The following NLRP1 variants were observed in gnomAD, a reference collection of about 807,000 sequenced individuals.
The protein encoded by NLRP1 is NLR family pyrin domain containing 1.
A neutral mutation model predicts 136.7 loss-of-function variants in NLRP1; 94 were observed. The ratio of observed to expected loss-of-function variants is 0.69; its 90% CI spans 0.58 to 0.82. NLRP1 has a LOEUF of 0.82. NLRP1 is among the 40% of genes least tolerant of loss of function. The pLI is 0.00. For synonymous variants in NLRP1, 690 were observed against 725.1 expected, an observed-to-expected ratio of 0.95 and a Z score of 0.78; for missense variants, 1,575 against 1,802.7, an observed-to-expected ratio of 0.87 and a Z score of 2.29.
At chr17:5,517,714 C>A in intron 15 of NLRP1, 32 bp downstream of exon 15, 1 of 1,613,218 alleles carries the variant, frequency 6.2e-7, no homozygotes, top group Non-Finnish European at 8.5e-7. Context: ...CTCCTCCCAC[C>A]TCTGAGTTCT....
intron 12 of NLRP1, among the ~76,000 whole-genome samples, chr17:5,526,108 G>A (rs146300433): frequency 6.0e-4 from 91 of 151,922 alleles, no homozygotes; most frequent in African/African-American, 2.1e-3. Context: ...CTGAGTAGTT[G>A]GAACTACAGG....
chr17:5,529,055 A>G (rs549289825), intron 12 of NLRP1, among the ~76,000 whole-genome samples: 1 of 152,350 alleles, frequency 6.6e-6, no homozygotes, highest in South Asian at 2.1e-4. Context: ...TTGGCTGGGC[A>G]CAGTGGCTCA....
chr17:5,566,416 GACCC>G (rs1161698771), intron 3 of NLRP1, among the ~76,000 whole-genome samples: 4 of 151,800 alleles, frequency 2.6e-5, no homozygotes, highest in South Asian at 2.1e-4. Flanking sequence ...TTTCTTCATT[GACCC>G]ACTGGTCACT....
At chr17:5,535,357 A>G (rs1910911091) in intron 8 of NLRP1, among the ~76,000 whole-genome samples, 1 of 152,134 alleles carries the variant, frequency 6.6e-6, no homozygotes. Context: ...CACGGACCAC[A>G]GTTTGAGTAG....
intron 5 of NLRP1, among the ~76,000 whole-genome samples, chr17:5,543,912 G>A (rs1912203315): frequency 1.3e-5 from 2 of 152,292 alleles, no homozygotes; most frequent in South Asian, 4.1e-4. Context: ...CAACCAGGGT[G>A]GTTGCACAGG....
chr17:5,535,075 C>A (rs1910860831), intron 8 of NLRP1, among the ~76,000 whole-genome samples: 1 of 152,152 alleles, frequency 6.6e-6, no homozygotes, highest in Non-Finnish European at 1.5e-5. Flanking sequence ...CAAAAATTAG[C>A]TGGGTGTGGT....
chr17:5,559,148 C>A lies in NLRP1; in HGVS notation c.1548G>T (p.Leu516=). The change falls in exon 4 of 17, where the codon CTG becomes CTT. Residue 516 remains leucine (L), a synonymous_variant. Coordinates refer to ENST00000572272, the MANE Select transcript of NLRP1 (RefSeq NM_033004.4). ...LVKSNKELWA[L]CLVPWVSWLA... The stretch of plus-strand genomic sequence containing the variant: ...GCCAGGACACCCAGGGCACAAGACA[C>A]AGGGCCCAGAGCTCTTTGTTTGATT... 5 of 1,614,194 alleles carry A rather than the reference C, an allele frequency of 3.1e-6. No individual in the cohort carries two copies. Among genetic ancestry groups the A allele is most frequent in the Non-Finnish European group, 1.7e-6 (2 of 1,180,026 alleles).
At chr17:5,555,330 C>A (rs1913911888) in intron 4 of NLRP1, among the ~76,000 whole-genome samples, 1 of 152,176 alleles carries the variant, frequency 6.6e-6, no homozygotes. Context: ...CAACCTCCAC[C>A]CTTTCTTCCT....
At chr17:5,546,466 C>T (rs1304509953) in intron 5 of NLRP1, among the ~76,000 whole-genome samples, 1 of 152,180 alleles carries the variant, frequency 6.6e-6, no homozygotes, top group Non-Finnish European at 1.5e-5. Context: ...TGTCTGGTCT[C>T]TCCCCTGACC....
intron 8 of NLRP1, among the ~76,000 whole-genome samples, chr17:5,536,445 CTTTTTTTTTTTT>C (rs773821415): frequency 2.1e-4 from 16 of 77,798 alleles, no homozygotes; most frequent in Middle Eastern, 0.013. Context: ...CCATGCCCGG[CTTTTTTTTTTTT>C]TTTTTTTTTT....
chr17:5,540,592 G>C (rs889348658), intron 6 of NLRP1, among the ~76,000 whole-genome samples: 2 of 152,204 alleles, frequency 1.3e-5, no homozygotes, highest in African/African-American at 4.8e-5. Context: ...TCCTGGTGCA[G>C]CTACTTCCTG....
chr17:5,529,086 T>A (rs1909904001), intron 12 of NLRP1, among the ~76,000 whole-genome samples: 2 of 152,202 alleles, frequency 1.3e-5, no homozygotes. Context: ...CCTTTCTTTC[T>A]GGCTGATGTC....
Position 5,541,572 on chromosome 17 carries a change from G to C in NLRP1, c.2699+285C>G. On this transcript the variant is annotated intron_variant, in intron 6 of 16. Coordinates refer to ENST00000572272, the MANE Select transcript of NLRP1 (RefSeq NM_033004.4). This position sits in a 1 kb window ranked among gnomAD's most constrained non-coding sequence, Gnocchi z 4.2. Reference sequence around the variant, plus strand: ...GGGCACGATTATCATCATCCTCTGTGGTAGTCTGTGAAAATGGCCACAAAT... The same window carrying C: ...GGGCACGATTATCATCATCCTCTGTCGTAGTCTGTGAAAATGGCCACAAAT... 6.6e-6 allele frequency among the ~76,000 whole-genome samples: 1 copy of C among 152,128 alleles called. No homozygotes were observed.
In NLRP1 at chr17:5,532,945, C is replaced by T; in HGVS notation, c.3173G>A (p.Cys1058Tyr). Reference protein sequence around the residue: ...SPEVVPVELLCVPSPASQGDL... With the variant: ...SPEVVPVELLYVPSPASQGDL... ...CCCTTGAGAGGCAGGAGAAGGCACG[C>T]ACAAGAGTTCCACCGGTACTACCTC... Residue 1058 changes from cysteine to tyrosine, a missense_variant, in exon 11 of 17, where the codon TGC becomes TAC. Cys to Tyr is a radical substitution (Grantham distance 194). Coordinates refer to ENST00000572272, the MANE Select transcript of NLRP1 (RefSeq NM_033004.4). 6.2e-7 allele frequency: 1 copy of T among 1,613,954 alleles called. No homozygotes were observed. The highest frequency in any genetic ancestry group is 8.5e-7 in the Non-Finnish European group (1 of 1,179,910).
At chr17:5,519,052 G>T (rs1826465592) in intron 14 of NLRP1, among the ~76,000 whole-genome samples, 1 of 151,168 alleles carries the variant, frequency 6.6e-6, no homozygotes, top group South Asian at 2.1e-4. Context: ...GCCCAGGCTG[G>T]AGCACAGTGG....
intron 10 of NLRP1, 127 bp downstream of exon 10, chr17:5,533,177 C>T: frequency 4.0e-6 from 6 of 1,498,428 alleles, no homozygotes; most frequent in Middle Eastern, 3.6e-4. Context: ...TGCCTCCAGC[C>T]CAGCCTCCGC....
chr17:5,503,737 A>T lies in NLRP1; in HGVS notation c.4070-1865T>A, dbSNP rs185537848. ...CCACTAGACATCCCTGACAGGACAGATACTGGAAGATCCCAAGCTACAACT... is the reference window on the plus strand; with the variant it reads ...CCACTAGACATCCCTGACAGGACAGTTACTGGAAGATCCCAAGCTACAACT... On this transcript the variant is annotated intron_variant, in intron 15 of 15. Transcript: ENST00000262467. 6 of 152,286 alleles carry T rather than the reference A, an allele frequency of 3.9e-5. No individual in the cohort carries two copies. In the East Asian group the frequency reaches 1.2e-3, roughly 29 times the overall value. 9.4% of individuals were successfully genotyped at this position (152,286 alleles called of 1,614,324 possible).
chr17:5,551,388 G>T (rs1485145760), intron 5 of NLRP1, among the ~76,000 whole-genome samples: 2 of 152,110 alleles, frequency 1.3e-5, no homozygotes, highest in Non-Finnish European at 2.9e-5. Flanking sequence ...TTGAATAATA[G>T]TCCATTGTCT....
intron 15 of NLRP1, among the ~76,000 whole-genome samples, chr17:5,515,788 A>G (rs1335288344): frequency 1.3e-5 from 2 of 152,240 alleles, no homozygotes; most frequent in Non-Finnish European, 2.9e-5. Flanking sequence ...AATTTCTCCT[A>G]TAACATCCCA....
Sources: allele counts gnomAD v4.1 joint callset (sites outside exome capture counted in the v4.1 genomes callset), GRCh38; gene constraint gnomAD v4.1.1; non-coding constraint Gnocchi (gnomAD v3.1); transcripts MANE v1.5; gene names NCBI Gene and HGNC (gene_info 2026-07-23, HGNC 2026-07-21).